The following MTREX variants were observed in gnomAD, a reference collection of about 807,000 sequenced individuals.
MTREX encodes exosome RNA helicase MTR4.
In MTREX, 76 loss-of-function variants were observed where a neutral mutation model predicts 135.4. The observed-to-expected ratio is 0.56, with a 90% CI of 0.47 to 0.68. MTREX has a LOEUF of 0.68. Ranked by LOEUF, MTREX falls within the 30% of genes least tolerant of loss-of-function variation. The probability of loss-of-function intolerance (pLI) is 0.00; values close to 1 mark genes in which losing one functional copy is unlikely to be tolerated. For synonymous variants in MTREX, 404 were observed against 401.6 expected, an observed-to-expected ratio of 1.01 and a Z score of -0.07; for missense variants, 920 against 1,262.1, an observed-to-expected ratio of 0.73 and a Z score of 4.11.
At chr5:55,391,244 C>T (rs769662461) in intron 19 of MTREX, among the ~76,000 whole-genome samples, 3 of 151,854 alleles carry the variant, frequency 2.0e-5, no homozygotes, top group Non-Finnish European at 4.4e-5. Context: ...AGTTCAAGAC[C>T]AGCCTGGGGC....
chr5:55,370,473 T>C (rs936777979), intron 16 of MTREX, among the ~76,000 whole-genome samples: 3 of 152,222 alleles, frequency 2.0e-5, no homozygotes, highest in Admixed American at 1.3e-4. Flanking sequence ...AGTAACATGA[T>C]CTTTGCTCAC....
At chr5:55,405,308 C>T (rs1325023027) in intron 21 of MTREX, 117 bp from the exon 22 acceptor site, 1 of 857,554 alleles carries the variant, frequency 1.2e-6, no homozygotes, top group Non-Finnish European at 1.8e-6. Context: ...AGCTTTAACC[C>T]AGAAGTATAC....
chr5:55,420,959 TTA>T (rs1325140655), intron 25 of MTREX, among the ~76,000 whole-genome samples: 3 of 152,192 alleles, frequency 2.0e-5, no homozygotes, highest in African/African-American at 7.2e-5. Context: ...AAGGTGGATT[TTA>T]TGTTTTATAT....
chr5:55,415,131 A>G (rs1221885478), intron 24 of MTREX, among the ~76,000 whole-genome samples: 1 of 152,090 alleles, frequency 6.6e-6, no homozygotes, highest in African/African-American at 2.4e-5. Flanking sequence ...AGAGAGGAAC[A>G]AAAAAATGTG....
At chr5:55,358,731 G>A in intron 15 of MTREX, 33 bp downstream of exon 15, 2 of 1,539,728 alleles carry the variant, frequency 1.3e-6, no homozygotes, top group Admixed American at 4.6e-5. Flanking sequence ...CCTTTACCAA[G>A]AATTCCAGAA....
At chr5:55,380,324 T>C (rs1338192279) in intron 18 of MTREX, among the ~76,000 whole-genome samples, 1 of 152,160 alleles carries the variant, frequency 6.6e-6, no homozygotes, top group Non-Finnish European at 1.5e-5. Flanking sequence ...TGACATTTAG[T>C]ATATTTGCAG....
chr5:55,347,525 A>C (rs1749758105), intron 11 of MTREX, among the ~76,000 whole-genome samples: 2 of 152,210 alleles, frequency 1.3e-5, no homozygotes. Flanking sequence ...CTTCATTCTC[A>C]CTGAAGTCTA....
At position 55,424,743 on chromosome 5, in the gene MTREX, A is replaced by G; in HGVS notation, c.3100A>G (p.Ile1034Val). The G allele has an allele frequency of 1.2e-6, 2 of 1,612,260 alleles. No individual in the cohort carries two copies. The highest frequency in any genetic ancestry group is 1.7e-6 in the Non-Finnish European group (2 of 1,178,364). ...AEGITKIKRD[I>V]VFAASLYL ...AGGAATCACCAAAATCAAGAGAGATATTGTGTTTGCTGCCAGCCTCTACTT... is the reference window on the plus strand; with the variant it reads ...AGGAATCACCAAAATCAAGAGAGATGTTGTGTTTGCTGCCAGCCTCTACTT... Residue 1034 changes from isoleucine (I) to valine (V), a missense_variant, in exon 27 of 27, where the codon ATT becomes GTT. Physicochemically the swap from Ile to Val is conservative, Grantham distance 29. Coordinates refer to ENST00000230640, the MANE Select transcript of MTREX (RefSeq NM_015360.5).
intron 25 of MTREX, among the ~76,000 whole-genome samples, chr5:55,417,684 T>C (rs1750987541): frequency 6.6e-6 from 1 of 152,172 alleles, no homozygotes; most frequent in Non-Finnish European, 1.5e-5. Flanking sequence ...TGTATGACAA[T>C]TGTGTTTCAG....
chr5:55,342,197 G>A (rs150963526), intron 7 of MTREX, among the ~76,000 whole-genome samples: 8 of 152,116 alleles, frequency 5.3e-5, no homozygotes, highest in Admixed American at 1.3e-4. Flanking sequence ...GGCGTGAACC[G>A]CACCCAGCCT....
chr5:55,321,204 A>C (rs1749284378), intron 1 of MTREX, among the ~76,000 whole-genome samples: 1 of 152,168 alleles, frequency 6.6e-6, no homozygotes, highest in Non-Finnish European at 1.5e-5. Flanking sequence ...AATTCATTAG[A>C]GTTTCTTATA....
At chr5:55,369,540 C>G (rs1234480124) in intron 16 of MTREX, among the ~76,000 whole-genome samples, 1 of 152,156 alleles carries the variant, frequency 6.6e-6, no homozygotes, top group African/African-American at 2.4e-5. Context: ...GGAAAACTCC[C>G]AAATATTATC....
At chr5:55,358,940 G>T (rs543321267) in intron 15 of MTREX, among the ~76,000 whole-genome samples, 3 of 151,868 alleles carry the variant, frequency 2.0e-5, no homozygotes, top group African/African-American at 4.8e-5. Context: ...TCCAGAGAGG[G>T]CAGAAATGTT....
intron 5 of MTREX, among the ~76,000 whole-genome samples, chr5:55,335,375 G>T (rs986369650): frequency 1.3e-5 from 2 of 151,898 alleles, no homozygotes; most frequent in Non-Finnish European, 2.9e-5. Flanking sequence ...ACCTAATTGT[G>T]ATTTTGCCTA....
At chr5:55,330,770 G>A (rs998789415) in intron 5 of MTREX, among the ~76,000 whole-genome samples, 1 of 151,544 alleles carries the variant, frequency 6.6e-6, no homozygotes, top group African/African-American at 2.4e-5. Context: ...ATTTTTTACT[G>A]CAAATATTGC....
chr5:55,354,677 C>G (rs1044305211), intron 14 of MTREX, among the ~76,000 whole-genome samples: 14 of 151,972 alleles, frequency 9.2e-5, no homozygotes, highest in Admixed American at 6.6e-5. Flanking sequence ...CTGGCCAAGG[C>G]TGCCCCTGGG....
chr5:55,346,415 G>A (rs1322722376), intron 10 of MTREX, among the ~76,000 whole-genome samples: 1 of 152,108 alleles, frequency 6.6e-6, no homozygotes, highest in Non-Finnish European at 1.5e-5. Flanking sequence ...AACAGATTAT[G>A]TATTTTGCCC....
chr5:55,403,382 G>C (rs1750754220), intron 21 of MTREX, among the ~76,000 whole-genome samples: 1 of 151,974 alleles, frequency 6.6e-6, no homozygotes, highest in African/African-American at 2.4e-5. Context: ...AGCATTGTCT[G>C]GTGTCAGCCA....
At chr5:55,351,180 T>C in intron 13 of MTREX, 151 bp downstream of exon 13, 1 of 958,960 alleles carries the variant, frequency 1.0e-6, no homozygotes, top group Non-Finnish European at 1.4e-6. Flanking sequence ...TATATGATGT[T>C]ATACTTAAAT....
Sources: allele counts gnomAD v4.1 joint callset (sites outside exome capture counted in the v4.1 genomes callset), GRCh38; gene constraint gnomAD v4.1.1; transcripts MANE v1.5; gene names NCBI Gene and HGNC (gene_info 2026-07-23, HGNC 2026-07-21).